GLCCI1: variants seen among roughly 807,000 people sequenced by gnomAD.
GLCCI1 encodes the protein glucocorticoid induced 1.
Under a neutral mutation model 52.2 loss-of-function variants are expected in GLCCI1, and 24 were observed. The observed-to-expected ratio is 0.46, with a 90% CI of 0.33 to 0.65. The LOEUF is 0.65. Ranked by LOEUF, GLCCI1 falls within the 30% of genes least tolerant of loss-of-function variation. The probability of loss-of-function intolerance (pLI) is 0.02; values close to 1 mark genes in which losing one functional copy is unlikely to be tolerated. For missense variants in GLCCI1, 704 were observed against 701.5 expected (o/e 1.00, Z -0.04); for synonymous variants, 310 against 276.5 (o/e 1.12, Z -1.20).
chr7:7,969,839 C>A lies in GLCCI1; in HGVS notation c.457+32C>A. 7.2e-7 allele frequency: 1 copy of A among 1,388,578 alleles called. No individual in the cohort carries two copies. Among genetic ancestry groups the A allele is most frequent in the South Asian group, 1.4e-5 (1 of 73,542 alleles). The allele number at this position is 1,388,578 out of a possible 1,614,324, so 86.0% of individuals were successfully genotyped here. A position where few individuals can be genotyped will look rare whatever the true frequency, so the allele number is the denominator to read the frequency against. On this transcript the variant is annotated intron_variant, in intron 1 of 7. Coordinates refer to ENST00000223145, the MANE Select transcript of GLCCI1 (RefSeq NM_138426.4). The surrounding 1 kb of genome is among the most constrained non-coding windows in gnomAD (Gnocchi z 4.9). ...AGCCCAACCCTCCCGTCCTCCCGGG[C>A]TGCGTCTCCCCGACGGTGCCCTCCG...
At chr7:8,018,225 A>G (rs1781417183) in intron 2 of GLCCI1, among the ~76,000 whole-genome samples, 1 of 152,154 alleles carries the variant, frequency 6.6e-6, no homozygotes, top group African/African-American at 2.4e-5. Context: ...TGAACCACAT[A>G]AAATAGATTT....
intron 5 of GLCCI1, among the ~76,000 whole-genome samples, chr7:8,062,276 G>A (rs1782536541): frequency 6.6e-6 from 1 of 152,092 alleles, no homozygotes; most frequent in African/African-American, 2.4e-5. Context: ...CCATGAACTG[G>A]CCAGTAGCCA....
At chr7:8,020,711 A>C (rs536867509) in intron 2 of GLCCI1, among the ~76,000 whole-genome samples, 3 of 152,334 alleles carry the variant, frequency 2.0e-5, no homozygotes, top group South Asian at 4.1e-4. Flanking sequence ...TTTTCTGTGA[A>C]TATACTTTGA....
intron 3 of GLCCI1, among the ~76,000 whole-genome samples, chr7:8,041,792 A>G (rs982939716): frequency 1.4e-4 from 21 of 151,944 alleles, no homozygotes; most frequent in African/African-American, 4.8e-4. Flanking sequence ...AGGTCTCATT[A>G]TGTTGCCCAG....
chr7:7,969,800 G>T lies in GLCCI1; in HGVS notation c.450G>T (p.Val150=). The change falls in exon 1 of 8, where the codon GTG becomes GTT. Residue 150 remains valine (V), a synonymous_variant. Coordinates refer to ENST00000223145, the MANE Select transcript of GLCCI1 (RefSeq NM_138426.4). This position sits in a 1 kb window ranked among gnomAD's most constrained non-coding sequence, Gnocchi z 4.9. Reference sequence around the variant, plus strand: ...AGAGACGGAGCCCCGGCTCGCCCGTGTGCAGAGGTAGCGAGCCCAACCCTC... The same window carrying T: ...AGAGACGGAGCCCCGGCTCGCCCGTTTGCAGAGGTAGCGAGCCCAACCCTC... ...SPERRSPGSP[V]CRADKAKSQQ... is the part of the protein sequence containing the mutation. 2 of 1,474,706 alleles carry T rather than the reference G, an allele frequency of 1.4e-6. No homozygotes were observed. The highest frequency in any genetic ancestry group is 1.8e-6 in the Non-Finnish European group (2 of 1,115,362). 91.4% of individuals were successfully genotyped at this position (1,474,706 alleles called of 1,614,324 possible). A position where few individuals can be genotyped will look rare whatever the true frequency, so the allele number is the denominator to read the frequency against.
chr7:8,047,533 T>TGA (rs1782159244), intron 3 of GLCCI1, among the ~76,000 whole-genome samples: 3 of 152,204 alleles, frequency 2.0e-5, no homozygotes, highest in Non-Finnish European at 4.4e-5. Flanking sequence ...GAAGATAACT[T>TGA]TTTAGCATTC....
intron 3 of GLCCI1, among the ~76,000 whole-genome samples, chr7:8,030,572 A>G (rs1781724431): frequency 6.6e-6 from 1 of 152,192 alleles, no homozygotes. Context: ...TCTGCACAGC[A>G]AACAATCAAC....
rs575293536 is a variant in GLCCI1 at position 7,990,898 on chromosome 7, T to G, written c.458-13010T>G. Among the ~76,000 whole-genome samples the G allele has an allele frequency of 1.2e-4, 18 of 152,240 alleles. No homozygotes were observed. The South Asian group carries it at 1.2e-3, about 10-fold the overall frequency. ...CTAGAAAAGTGTAGCTAGTTGTGTTTCCTAGTAAACAACATATTCACCATT... is the reference window on the plus strand; with the variant it reads ...CTAGAAAAGTGTAGCTAGTTGTGTTGCCTAGTAAACAACATATTCACCATT... On this transcript the variant is annotated intron_variant, in intron 1 of 7. Transcript: ENST00000223145.
chr7:7,989,770 C>T (rs1487628267), intron 1 of GLCCI1, among the ~76,000 whole-genome samples: 2 of 151,944 alleles, frequency 1.3e-5, no homozygotes, highest in Non-Finnish European at 2.9e-5. Context: ...AGGAACATAC[C>T]TCCTGGTAGA....
intron 6 of GLCCI1, among the ~76,000 whole-genome samples, chr7:8,076,854 C>G (rs2127966935): frequency 6.6e-6 from 1 of 152,042 alleles, no homozygotes; most frequent in East Asian, 1.9e-4. Context: ...GTATTAAGAC[C>G]TTTGTTCATG....
At chr7:8,043,026 G>A (rs563792462) in intron 3 of GLCCI1, among the ~76,000 whole-genome samples, 11 of 152,314 alleles carry the variant, frequency 7.2e-5, no homozygotes, top group African/African-American at 2.6e-4. Context: ...ATCCTGATCA[G>A]TCAGCTAACA....
chr7:8,025,224 G>C (rs184708271), intron 3 of GLCCI1, among the ~76,000 whole-genome samples: 208 of 152,224 alleles, frequency 1.4e-3, no homozygotes, highest in African/African-American at 4.5e-3. Flanking sequence ...CCTAGGAATA[G>C]GTGCAGATGA....
chr7:8,033,983 A>T (rs1020693113), intron 3 of GLCCI1, among the ~76,000 whole-genome samples: 2 of 152,174 alleles, frequency 1.3e-5, no homozygotes, highest in Non-Finnish European at 2.9e-5. Flanking sequence ...TGGTAGAATT[A>T]TATTACACTA....
chr7:8,072,700 C>T (rs1782789594), intron 6 of GLCCI1, among the ~76,000 whole-genome samples: 1 of 152,130 alleles, frequency 6.6e-6, no homozygotes, highest in Non-Finnish European at 1.5e-5. Context: ...ATTCCAAACT[C>T]ATATTCTTTG....
intron 6 of GLCCI1, among the ~76,000 whole-genome samples, chr7:8,074,027 T>C (rs1782822840): frequency 6.6e-6 from 1 of 152,170 alleles, no homozygotes; most frequent in South Asian, 2.1e-4. Context: ...TATGCACACA[T>C]GGGTGTGTTA....
chr7:7,987,294 G>C (rs957570369), intron 1 of GLCCI1, among the ~76,000 whole-genome samples: 4 of 152,156 alleles, frequency 2.6e-5, no homozygotes, highest in Non-Finnish European at 1.5e-5. Flanking sequence ...GCCGTTCTTT[G>C]CAAACAGCTT....
At chr7:7,988,315 C>T (rs910417099) in intron 1 of GLCCI1, among the ~76,000 whole-genome samples, 3 of 152,066 alleles carry the variant, frequency 2.0e-5, no homozygotes, top group Admixed American at 6.6e-5. Flanking sequence ...TTTTTACTAT[C>T]AGGTGTATTG....
At chr7:8,028,577 C>G (rs185792389) in intron 3 of GLCCI1, among the ~76,000 whole-genome samples, 11 of 151,792 alleles carry the variant, frequency 7.2e-5, no homozygotes, top group African/African-American at 2.7e-4. Context: ...GCAAACCAAA[C>G]TGAAAATTAG....
At chr7:8,011,628 G>A (rs1393422541) in intron 2 of GLCCI1, among the ~76,000 whole-genome samples, 1 of 152,120 alleles carries the variant, frequency 6.6e-6, no homozygotes, top group East Asian at 1.9e-4. Flanking sequence ...ATCTTTTCGA[G>A]TCTCGGCTTT....
Sources: gnomAD v4.1 joint callset for allele counts (sites outside exome capture counted in the v4.1 genomes callset) on GRCh38, gnomAD v4.1.1 for gene constraint, Gnocchi (gnomAD v3.1) non-coding constraint, MANE v1.5 for transcripts, NCBI Gene and HGNC (gene_info 2026-07-23, HGNC 2026-07-21) for gene names.